The following MARCHF3 variants were observed in gnomAD, a reference collection of about 807,000 sequenced individuals.
MARCHF3 encodes the protein membrane associated ring-CH-type finger 3.
MARCHF3 carries 13 observed loss-of-function variants against 24.2 expected under a neutral mutation model. The observed-to-expected ratio is 0.54, with a 90% CI of 0.35 to 0.85. MARCHF3 has a LOEUF of 0.85. MARCHF3 is among the 40% of genes least tolerant of loss of function. MARCHF3 has a pLI of 0.01. For synonymous variants in MARCHF3, 144 were observed against 137.3 expected, an observed-to-expected ratio of 1.05 and a Z score of -0.34; for missense variants, 276 against 325.0, an observed-to-expected ratio of 0.85 and a Z score of 1.16.
At chr5:126,927,012 C>T (rs1294772146) in intron 1 of MARCHF3, among the ~76,000 whole-genome samples, 1 of 152,122 alleles carries the variant, frequency 6.6e-6, no homozygotes, top group Non-Finnish European at 1.5e-5. Context: ...GACACAACTA[C>T]TGACATCTGC....
chr5:126,976,972 T>C (rs562352284), intron 1 of MARCHF3, among the ~76,000 whole-genome samples: 4 of 152,336 alleles, frequency 2.6e-5, no homozygotes, highest in Admixed American at 1.3e-4. Context: ...GGAAGGTCTA[T>C]GTATATGAGA....
intron 1 of MARCHF3, among the ~76,000 whole-genome samples, chr5:127,006,768 C>A (rs1220866003): frequency 6.6e-6 from 1 of 152,140 alleles, no homozygotes; most frequent in Non-Finnish European, 1.5e-5. Context: ...TCACAATTTA[C>A]TACATAGTAT....
intron 1 of MARCHF3, among the ~76,000 whole-genome samples, chr5:126,943,297 G>A (rs1749893966): frequency 6.6e-6 from 1 of 151,116 alleles, no homozygotes; most frequent in Non-Finnish European, 1.5e-5. Context: ...ATAATATTGA[G>A]CTGTGCATGA....
chr5:126,943,336 G>A (rs74446887), intron 1 of MARCHF3, among the ~76,000 whole-genome samples: 6,503 of 151,912 alleles, frequency 0.043, 216 homozygotes, highest in South Asian at 0.12. Flanking sequence ...CCAGCACCTT[G>A]GGAGGCCAAA....
At chr5:126,994,471 A>G (rs1309565864) in intron 1 of MARCHF3, among the ~76,000 whole-genome samples, 1 of 152,216 alleles carries the variant, frequency 6.6e-6, no homozygotes, top group Non-Finnish European at 1.5e-5. Flanking sequence ...CAAAATGTAT[A>G]GTAGTGTATG....
intron 3 of MARCHF3, among the ~76,000 whole-genome samples, chr5:126,895,601 G>C (rs1374323188): frequency 1.3e-5 from 2 of 152,206 alleles, no homozygotes; most frequent in African/African-American, 4.8e-5. Flanking sequence ...CCTGCTGGGG[G>C]GTGCCTCCCA....
intron 1 of MARCHF3, among the ~76,000 whole-genome samples, chr5:126,989,097 T>C (rs1235843575): frequency 1.3e-5 from 2 of 151,926 alleles, no homozygotes; most frequent in African/African-American, 2.4e-5. Flanking sequence ...CTGAGCAACA[T>C]AGTGAGACCC....
intron 1 of MARCHF3, among the ~76,000 whole-genome samples, chr5:126,923,216 G>A (rs1049772794): frequency 7.2e-5 from 11 of 152,206 alleles, no homozygotes; most frequent in Admixed American, 5.2e-4. Flanking sequence ...TTGGAGATAC[G>A]TGGGTCTATT....
chr5:127,011,594 C>G (rs891704117), intron 1 of MARCHF3, among the ~76,000 whole-genome samples: 6 of 152,124 alleles, frequency 3.9e-5, no homozygotes, highest in African/African-American at 1.4e-4. Context: ...ATATAAATAA[C>G]AAATCTTCCT....
intron 1 of MARCHF3, among the ~76,000 whole-genome samples, chr5:126,993,393 C>T (rs1751839355): frequency 6.6e-6 from 1 of 152,148 alleles, no homozygotes; most frequent in Admixed American, 6.5e-5. Flanking sequence ...AGTTATTAGG[C>T]AATTGAGAAT....
chr5:126,946,421 G>A (rs190254101), intron 1 of MARCHF3: 6 of 146,192 alleles, frequency 4.1e-5, no homozygotes, highest in Admixed American at 1.4e-4. Context: ...AAAAATGCCA[G>A]AGTCCATCAC....
intron 1 of MARCHF3, among the ~76,000 whole-genome samples, chr5:126,937,959 A>T (rs1264110528): frequency 1.3e-5 from 2 of 152,160 alleles, no homozygotes; most frequent in East Asian, 3.8e-4. Flanking sequence ...TTTTGATAAG[A>T]CTCAAATTTT....
chr5:126,894,964 G>C (rs1399764295), intron 3 of MARCHF3, among the ~76,000 whole-genome samples: 1 of 151,878 alleles, frequency 6.6e-6, no homozygotes, highest in Non-Finnish European at 1.5e-5. Flanking sequence ...ATGTAGATTT[G>C]GTCTTTTCAC....
At position 126,922,637 on chromosome 5, in the gene MARCHF3, C is replaced by G. The variant is rs1749154697; in HGVS notation, c.-56-4410G>C. Among the ~76,000 whole-genome samples the G allele has an allele frequency of 3.3e-5, 5 of 152,092 alleles. No homozygotes were observed. In the South Asian group the frequency reaches 1.0e-3, roughly 31 times the overall value. On this transcript the variant is annotated intron_variant, in intron 1 of 4. Coordinates refer to ENST00000308660, the MANE Select transcript of MARCHF3 (RefSeq NM_178450.5). Reference sequence around the variant, plus strand: ...TCTCCGCTCACTGCAAGCTCCGCCTCCTGGGTTCATGCCATTCTCCTGCCT... The same window carrying G: ...TCTCCGCTCACTGCAAGCTCCGCCTGCTGGGTTCATGCCATTCTCCTGCCT...
At chr5:126,972,765 A>G (rs1238350489) in intron 1 of MARCHF3, among the ~76,000 whole-genome samples, 1 of 152,234 alleles carries the variant, frequency 6.6e-6, no homozygotes, top group Non-Finnish European at 1.5e-5. Flanking sequence ...TCTTGTTTGA[A>G]GGAAGTCCAA....
chr5:126,917,824 G>T (rs748567817), intron 2 of MARCHF3, among the ~76,000 whole-genome samples, 160 bp downstream of exon 2: 11 of 151,202 alleles, frequency 7.3e-5, no homozygotes, highest in Non-Finnish European at 1.5e-4. Flanking sequence ...TATAGAAACG[G>T]CAATAACAGA....
At chr5:126,929,155 T>C (rs1016379413) in intron 1 of MARCHF3, among the ~76,000 whole-genome samples, 1 of 152,240 alleles carries the variant, frequency 6.6e-6, no homozygotes, top group East Asian at 1.9e-4. Context: ...GAAATTCACG[T>C]AGAGGTCCTC....
chr5:126,956,645 CA>C (rs60640113), intron 1 of MARCHF3, among the ~76,000 whole-genome samples: 1,233 of 20,568 alleles, frequency 0.06, 15 homozygotes, highest in African/African-American at 0.19. Context: ...GCTCTGTCTC[CA>C]AAAAAAAAAA....
chr5:126,924,194 A>G (rs56688052), intron 1 of MARCHF3, among the ~76,000 whole-genome samples: 9,275 of 152,222 alleles, frequency 0.061, 542 homozygotes, highest in African/African-American at 0.15. Flanking sequence ...ACACCGAAGA[A>G]CTGAGAATGG....
Sources: allele counts gnomAD v4.1 joint callset (sites outside exome capture counted in the v4.1 genomes callset), GRCh38; gene constraint gnomAD v4.1.1; transcripts MANE v1.5; gene names NCBI Gene and HGNC (gene_info 2026-07-23, HGNC 2026-07-21).